ZNF18: variants seen among roughly 807,000 people sequenced by gnomAD.
ZNF18 encodes zinc finger protein 18.
A neutral mutation model predicts 58.1 loss-of-function variants in ZNF18; 42 were observed. The observed-to-expected ratio is 0.72, with a 90% CI of 0.56 to 0.93. The LOEUF (loss-of-function observed/expected upper bound fraction) is 0.93, where lower values mean the gene tolerates loss of function less well. ZNF18 is among the 40% of genes least tolerant of loss of function. ZNF18 has a pLI of 0.00. For missense variants in ZNF18, 540 were observed against 644.2 expected (o/e 0.84, Z 1.75); for synonymous variants, 231 against 239.8 (o/e 0.96, Z 0.34).
At chr17:12,009,961 T>C in the ZNF18 span, among the ~76,000 whole-genome samples, 1 of 152,326 alleles carries the variant, frequency 6.6e-6, no homozygotes, top group African/African-American at 2.4e-5. Flanking sequence ...TATTAGCAGA[T>C]GGTAGTTTAG....
chr17:12,019,304 G>A, the ZNF18 span, among the ~76,000 whole-genome samples: 4 of 128,866 alleles, frequency 3.1e-5, no homozygotes, highest in Non-Finnish European at 4.6e-5. Flanking sequence ...ATGTGTGTGT[G>A]TGTGTGTGTG....
rs768971917 is a variant in ZNF18, at chr17:11,978,725, G to A, written c.882C>T (p.Asp294=). The A allele has an allele frequency of 1.3e-6, 2 of 1,596,060 alleles. No individual in the cohort carries two copies. Among genetic ancestry groups the A allele is most frequent in the Admixed American group, 1.7e-5 (1 of 58,598 alleles). The change falls in exon 7 of 7, where the codon GAC becomes GAT. Residue 294 remains aspartate, a synonymous_variant. Coordinates refer to ENST00000580306, the MANE Select transcript of ZNF18 (RefSeq NM_001303281.2). ...GATTCTCCAAATTTAGGTTCTCCTTGTCATTCTCTTGTCTATCTCCTAAAA... is the reference window on the plus strand; with the variant it reads ...GATTCTCCAAATTTAGGTTCTCCTTATCATTCTCTTGTCTATCTCCTAAAA... ...PTCIGDRQEN[D]KENLNLENHR...
chr17:11,994,752 A>G (rs1215451918), intron 1 of ZNF18, among the ~76,000 whole-genome samples: 1 of 152,056 alleles, frequency 6.6e-6, no homozygotes, highest in Non-Finnish European at 1.5e-5. Flanking sequence ...GAGGCAGGAG[A>G]ATGGCATGAA....
chr17:11,980,744 C>A (rs1044221701), intron 6 of ZNF18, among the ~76,000 whole-genome samples: 14 of 152,218 alleles, frequency 9.2e-5, no homozygotes, highest in Admixed American at 5.2e-4. Context: ...TTATACAGAC[C>A]AGCATCTCTT....
intron 6 of ZNF18, 122 bp from the exon 7 acceptor site, chr17:11,978,866 T>TTTTAG (rs1967164565): frequency 1.6e-6 from 1 of 627,566 alleles, no homozygotes; most frequent in South Asian, 2.7e-5. Flanking sequence ...TTTTTTTTTT[T>TTTTAG]AGGGCATTAG....
intron 4 of ZNF18, among the ~76,000 whole-genome samples, chr17:11,986,788 C>A (rs748778118): frequency 2.3e-4 from 35 of 152,156 alleles, no homozygotes; most frequent in Non-Finnish European, 4.6e-4. Context: ...TGCCTGGCTG[C>A]CTGGCTTGCT....
At chr17:11,999,806 T>C (rs986045732), upstream of ZNF18, among the ~76,000 whole-genome samples, 1 of 152,186 alleles carries the variant, frequency 6.6e-6, no homozygotes, top group South Asian at 2.1e-4. Flanking sequence ...GTGCAAGTTA[T>C]ATAGGATGGT....
the ZNF18 span, among the ~76,000 whole-genome samples, chr17:12,017,383 G>A: frequency 6.6e-6 from 1 of 152,154 alleles, no homozygotes; most frequent in Non-Finnish European, 1.5e-5. Context: ...GTCACTGGGT[G>A]GCCTGGTCCT....
Position 11,984,334 on chromosome 17 carries a change from C to A in ZNF18, c.667-137G>T. On this transcript the variant is annotated intron_variant, in intron 4 of 6. Coordinates refer to ENST00000580306, the MANE Select transcript of ZNF18 (RefSeq NM_001303281.2). ...CTGGCCATCGCAAGACCTGAGAAAT[C>A]CCAGCAGAGTGGTTCAAGGGACAAA... 1.3e-6 allele frequency: 1 copy of A among 778,684 alleles called. No individual in the cohort carries two copies. The highest frequency in any genetic ancestry group is 2.0e-6 in the Non-Finnish European group (1 of 500,774). The allele number at this position is 778,684 out of a possible 1,614,324, so 48.2% of individuals were successfully genotyped here. A position where few individuals can be genotyped will look rare whatever the true frequency, so the allele number is the denominator to read the frequency against.
At chr17:12,020,691 G>A in the ZNF18 span, 4 of 356,560 alleles carry the variant, frequency 1.1e-5, no homozygotes, top group East Asian at 4.1e-5. Context: ...CGCGCACCCA[G>A]AGCCGGGCGG....
the ZNF18 span, among the ~76,000 whole-genome samples, chr17:12,015,433 A>G: frequency 6.6e-6 from 1 of 152,224 alleles, no homozygotes; most frequent in Admixed American, 6.5e-5. Flanking sequence ...ATTCAGACTT[A>G]GTTGTTAGAA....
intron 4 of ZNF18, among the ~76,000 whole-genome samples, chr17:11,987,677 T>C (rs76988970): frequency 0.01 from 1,554 of 152,320 alleles, 29 homozygotes; most frequent in African/African-American, 0.036. Flanking sequence ...CTGTACCTAC[T>C]ACAGAAACAA....
chr17:12,006,504 T>C, the ZNF18 span, among the ~76,000 whole-genome samples: 1 of 152,224 alleles, frequency 6.6e-6, no homozygotes, highest in African/African-American at 2.4e-5. Context: ...AATCTAGCTG[T>C]TATTGAGATA....
chr17:12,004,418 TCA>T, the ZNF18 span, among the ~76,000 whole-genome samples: 2 of 152,156 alleles, frequency 1.3e-5, no homozygotes, highest in South Asian at 2.1e-4. Context: ...CAAAATAATC[TCA>T]GTTTGAAGAT....
the ZNF18 span, among the ~76,000 whole-genome samples, chr17:12,008,517 T>C: frequency 6.6e-6 from 1 of 152,156 alleles, no homozygotes; most frequent in Non-Finnish European, 1.5e-5. Flanking sequence ...TCCCTTTAGA[T>C]CATGTTCCTT....
intron 4 of ZNF18, among the ~76,000 whole-genome samples, chr17:11,988,684 T>C (rs1323478659): frequency 6.6e-6 from 1 of 152,156 alleles, no homozygotes; most frequent in Non-Finnish European, 1.5e-5. Flanking sequence ...ATGGAAAGAA[T>C]AATCCTCGAC....
chr17:12,020,963 C>T, the ZNF18 span: 1 of 1,212,732 alleles, frequency 8.2e-7, no homozygotes, highest in East Asian at 3.3e-5. Flanking sequence ...CCCGTAGGGT[C>T]CCCGGCGCCA....
At chr17:11,980,659 T>C (rs915918658) in intron 6 of ZNF18, among the ~76,000 whole-genome samples, 17 of 151,624 alleles carry the variant, frequency 1.1e-4, no homozygotes, top group Admixed American at 1.1e-3. Context: ...CCTCAAATGA[T>C]CCCCCCGCCT....
At chr17:11,990,427 A>G in intron 4 of ZNF18, 35 bp downstream of exon 4, 4 of 1,571,822 alleles carry the variant, frequency 2.5e-6, no homozygotes, top group Non-Finnish European at 3.5e-6. Flanking sequence ...AAAGGTAAAA[A>G]GTTTCCTTTT....
Sources: allele counts gnomAD v4.1 joint callset (sites outside exome capture counted in the v4.1 genomes callset), GRCh38; gene constraint gnomAD v4.1.1; transcripts MANE v1.5; gene names NCBI Gene and HGNC (gene_info 2026-07-23, HGNC 2026-07-21).